Variants in SEMA4D observed in about 807,000 individuals in gnomAD.
SEMA4D encodes semaphorin 4D, also known as semaphorin-4D.
In SEMA4D, 22 loss-of-function variants were observed where a neutral mutation model predicts 74.8. That is an observed-to-expected ratio of 0.29 (90% confidence interval 0.21 to 0.42). The LOEUF (loss-of-function observed/expected upper bound fraction) is 0.42. Ranked by LOEUF, SEMA4D falls within the 10% of genes least tolerant of loss-of-function variation. SEMA4D has a pLI of 1.00. For missense variants in SEMA4D, 937 were observed against 1,118.4 expected (o/e 0.84, Z 2.31); for synonymous variants, 445 against 463.7 (o/e 0.96, Z 0.52).
chr9:89,390,968 C>G (rs754010624), intron 9 of SEMA4D, among the ~76,000 whole-genome samples: 2 of 152,246 alleles, frequency 1.3e-5, no homozygotes, highest in Non-Finnish European at 2.9e-5. Flanking sequence ...TTCCAACAGA[C>G]TCTGGTGAAT....
chr9:89,405,907 T>G, intron 2 of SEMA4D: 1 of 1,193,796 alleles, frequency 8.4e-7, no homozygotes, highest in Non-Finnish European at 1.0e-6. Flanking sequence ...GAGTCAGTGC[T>G]TCCCGCTCCT....
chr9:89,409,998 G>A (rs779998481), intron 2 of SEMA4D, among the ~76,000 whole-genome samples: 58 of 136,036 alleles, frequency 4.3e-4, no homozygotes, highest in Middle Eastern at 4.6e-3. Flanking sequence ...GGTGACTTTG[G>A]AATCTATTAA....
In SEMA4D at chr9:89,379,331, C is replaced by T; in HGVS notation, c.1962G>A (p.Val654=). 6.2e-7 allele frequency: 1 copy of T among 1,614,136 alleles called. No individual in the cohort carries two copies. Among genetic ancestry groups the T allele is most frequent in the Non-Finnish European group, 8.5e-7 (1 of 1,180,018 alleles). ...TCTGAACAACTGACAAGGTGGGGGC[C>T]ACTACGGGCTTTGGAACCACCTTCA... The part of the protein sequence containing the change: ...LEVKVVPKPV[V]APTLSVVQTE... The change falls in exon 16 of 16, where the codon GTG becomes GTA. Residue 654 remains valine (V), a synonymous_variant. Coordinates refer to ENST00000422704, the MANE Select transcript of SEMA4D (RefSeq NM_001371194.2).
intron 9 of SEMA4D, among the ~76,000 whole-genome samples, chr9:89,390,708 C>T (rs1235327082): frequency 6.6e-6 from 1 of 152,174 alleles, no homozygotes; most frequent in African/African-American, 2.4e-5. Context: ...CCCCAGCTCC[C>T]CTGAGGCCTG....
At chr9:89,457,171 T>TGAGCAACCAGAGCCTGTGATGGGGTG (rs1286393356) in intron 1 of SEMA4D, among the ~76,000 whole-genome samples, 7 of 152,072 alleles carry the variant, frequency 4.6e-5, no homozygotes, top group Non-Finnish European at 7.4e-5. Context: ...CCTACAAAGC[T>TGAGCAACCAGAGCCTGTGATGGGGTG]GAGCAACCAG....
At chr9:89,363,334 C>T in intron 18 of SEMA4D, 1 of 1,540,026 alleles carries the variant, frequency 6.5e-7, no homozygotes, top group Non-Finnish European at 8.7e-7. Flanking sequence ...AAGTGGGGTC[C>T]ATGCTGAATG....
chr9:89,484,658 T>C lies in SEMA4D; in HGVS notation c.-310+13261A>G, dbSNP rs1319042868. On this transcript the variant is annotated intron_variant, in intron 1 of 15. Coordinates refer to ENST00000422704, the MANE Select transcript of SEMA4D (RefSeq NM_001371194.2). The surrounding 1 kb of genome is among the most constrained non-coding windows in gnomAD (Gnocchi z 4.1). ...CAGTATATATGTAGTGTGTGTGTGG[T>C]GTGGTGTGTGTATGTAGTGTGGTGG... Among the ~76,000 whole-genome samples, 1 of 149,866 alleles carries C rather than the reference T, an allele frequency of 6.7e-6. No individual in the cohort carries two copies. Among genetic ancestry groups the C allele is most frequent in the African/African-American group, 2.5e-5 (1 of 40,476 alleles).
rs374973352 is a variant in SEMA4D at position 89,381,125 on chromosome 9, C to T, written c.1620-27G>A. The T allele has an allele frequency of 1.4e-5, 22 of 1,614,146 alleles. No homozygotes were observed. In the African/African-American group the frequency reaches 2.8e-4, roughly 21 times the overall value. ...TGCAAAACAACCGGCACGTGTTATTCACCCACACACATGGGGGACATCCCC... is the reference window on the plus strand; with the variant it reads ...TGCAAAACAACCGGCACGTGTTATTTACCCACACACATGGGGGACATCCCC... On this transcript the variant is annotated intron_variant, in intron 14 of 15. Coordinates refer to ENST00000422704, the MANE Select transcript of SEMA4D (RefSeq NM_001371194.2). The surrounding 1 kb of genome is among the most constrained non-coding windows in gnomAD (Gnocchi z 4.6).
intron 1 of SEMA4D, among the ~76,000 whole-genome samples, chr9:89,456,483 AAATT>A (rs1268587443): frequency 6.6e-6 from 1 of 152,254 alleles, no homozygotes; most frequent in African/African-American, 2.4e-5. Flanking sequence ...TTAAGTTTTA[AAATT>A]AATTACATAC....
chr9:89,434,250 C>T (rs1006852201), intron 2 of SEMA4D, among the ~76,000 whole-genome samples: 4 of 152,076 alleles, frequency 2.6e-5, no homozygotes, highest in Admixed American at 6.5e-5. Flanking sequence ...ATCCAGCACG[C>T]GTGTAGGTAG....
At chr9:89,411,037 G>A (rs1587684126) in intron 2 of SEMA4D, among the ~76,000 whole-genome samples, 1 of 152,192 alleles carries the variant, frequency 6.6e-6, no homozygotes, top group East Asian at 1.9e-4. Flanking sequence ...CAAAACAAGG[G>A]AGCTGCTTCC....
At chr9:89,403,914 G>C (rs533168407) in intron 3 of SEMA4D, among the ~76,000 whole-genome samples, 1 of 152,296 alleles carries the variant, frequency 6.6e-6, no homozygotes, top group African/African-American at 2.4e-5. Flanking sequence ...GGGCAACAGA[G>C]CCAGACCCTG....
intron 2 of SEMA4D, among the ~76,000 whole-genome samples, chr9:89,446,598 C>G (rs930232376): frequency 1.3e-5 from 2 of 152,200 alleles, no homozygotes; most frequent in Admixed American, 6.5e-5. Context: ...AGAGGGGAGG[C>G]TGCCTCCCAG....
At chr9:89,373,410 A>G (rs537389779), downstream of SEMA4D, among the ~76,000 whole-genome samples, 21 of 152,162 alleles carry the variant, frequency 1.4e-4, 1 homozygote, top group Admixed American at 1.2e-3. Context: ...TGGGTGACAC[A>G]TGGGCCTCCA....
intron 6 of SEMA4D, among the ~76,000 whole-genome samples, chr9:89,393,857 G>C (rs1373444762): frequency 6.6e-6 from 1 of 152,220 alleles, no homozygotes; most frequent in African/African-American, 2.4e-5. Context: ...TCAGCACCTT[G>C]GTGCCCTTGC....
At chr9:89,402,174 T>G (rs1412093127) in intron 4 of SEMA4D, among the ~76,000 whole-genome samples, 1 of 152,196 alleles carries the variant, frequency 6.6e-6, no homozygotes, top group African/African-American at 2.4e-5. Context: ...AATCAAATTT[T>G]AAATTCGGTT....
At chr9:89,478,239 G>A (rs193087708) in intron 1 of SEMA4D, among the ~76,000 whole-genome samples, 1 of 152,340 alleles carries the variant, frequency 6.6e-6, no homozygotes, top group East Asian at 1.9e-4. Context: ...ATCTCAGGAT[G>A]AGATCTCCCT....
chr9:89,449,203 A>G (rs1248806987), intron 2 of SEMA4D, among the ~76,000 whole-genome samples: 2 of 152,202 alleles, frequency 1.3e-5, no homozygotes, highest in East Asian at 1.9e-4. Flanking sequence ...CCAGCAGGCT[A>G]TTTTGTAATT....
chr9:89,394,995 GAC>G (rs1020558937), intron 6 of SEMA4D, among the ~76,000 whole-genome samples: 60 of 152,330 alleles, frequency 3.9e-4, no homozygotes, highest in African/African-American at 1.3e-3. Flanking sequence ...TATGTACACA[GAC>G]ACACATGTGG....
Sources: gnomAD v4.1 joint callset for allele counts (sites outside exome capture counted in the v4.1 genomes callset) on GRCh38, gnomAD v4.1.1 for gene constraint, Gnocchi (gnomAD v3.1) non-coding constraint, MANE v1.5 for transcripts, NCBI Gene and HGNC (gene_info 2026-07-23, HGNC 2026-07-21) for gene names.